TMCC1: variants seen among roughly 807,000 people sequenced by gnomAD.
TMCC1 encodes the protein transmembrane and coiled-coil domain family 1.
In TMCC1, 15 loss-of-function variants were observed where a neutral mutation model predicts 52.4. The ratio of observed to expected loss-of-function variants is 0.29; its 90% CI spans 0.19 to 0.44. The LOEUF (loss-of-function observed/expected upper bound fraction) is 0.44, where lower values mean the gene tolerates loss of function less well. Among genes scored for constraint, TMCC1 ranks in the 20% least tolerant of loss-of-function variants. The probability of loss-of-function intolerance (pLI) is 1.00; values close to 1 mark genes in which losing one functional copy is unlikely to be tolerated. For missense variants in TMCC1, 503 were observed against 806.0 expected (o/e 0.62, Z 4.55); for synonymous variants, 279 against 301.9 (o/e 0.92, Z 0.79).
chr3:129,856,105 T>C (rs2060136018), intron 2 of TMCC1, among the ~76,000 whole-genome samples: 2 of 152,238 alleles, frequency 1.3e-5, no homozygotes, highest in Non-Finnish European at 2.9e-5. Flanking sequence ...AGGGACTCTA[T>C]GCTATTTTTG....
chr3:129,688,573 G>A, intron 4 of TMCC1: 1 of 985,478 alleles, frequency 1.0e-6, no homozygotes, highest in Non-Finnish European at 1.2e-6. Flanking sequence ...GCCCACCTCA[G>A]CCTATGTATA....
chr3:129,703,423 C>A (rs1003132251), intron 4 of TMCC1, among the ~76,000 whole-genome samples: 1 of 152,182 alleles, frequency 6.6e-6, no homozygotes, highest in Non-Finnish European at 1.5e-5. Context: ...CATCATTAAG[C>A]TCAGACAACA....
At chr3:129,757,662 A>C (rs1426632782) in intron 4 of TMCC1, among the ~76,000 whole-genome samples, 6 of 152,068 alleles carry the variant, frequency 3.9e-5, no homozygotes, top group African/African-American at 1.4e-4. Flanking sequence ...CTCTACTAAA[A>C]ACAAACAAAC....
intron 4 of TMCC1, among the ~76,000 whole-genome samples, chr3:129,728,348 C>T (rs1004248549): frequency 3.9e-5 from 6 of 152,070 alleles, no homozygotes; most frequent in East Asian, 1.9e-4. Flanking sequence ...TGCAATGGTG[C>T]GATCTTGACT....
rs113183491 is a variant in TMCC1 at position 129,782,691 on chromosome 3, G to A, written c.576+45112C>T. Among the ~76,000 whole-genome samples, 550 of 152,290 alleles carry A rather than the reference G, an allele frequency of 3.6e-3. 2 individuals carry two copies. The highest frequency in any genetic ancestry group is 0.012 in the African/African-American group (493 of 41,562). ...GGAGTAGAAGGGGTTGGAGGAAAGA[G>A]AGAGGGGCATCTCCTGGGAATGTGT... On this transcript the variant is annotated intron_variant, in intron 4 of 6. Coordinates refer to ENST00000393238, the MANE Select transcript of TMCC1 (RefSeq NM_001017395.5).
chr3:129,683,686 T>C (rs372043533), intron 4 of TMCC1, among the ~76,000 whole-genome samples: 4 of 152,164 alleles, frequency 2.6e-5, no homozygotes, highest in African/African-American at 7.2e-5. Context: ...ATCACCTGAA[T>C]AGTGAACATT....
chr3:129,718,653 T>C (rs1331434549), intron 4 of TMCC1, among the ~76,000 whole-genome samples: 1 of 152,252 alleles, frequency 6.6e-6, no homozygotes, highest in Admixed American at 6.5e-5. Context: ...TGCCATTTCA[T>C]ACAGATGATT....
intron 2 of TMCC1, among the ~76,000 whole-genome samples, chr3:129,870,117 TTCTC>T (rs1178115522): frequency 6.6e-6 from 1 of 152,096 alleles, no homozygotes; most frequent in Non-Finnish European, 1.5e-5. Flanking sequence ...TCTTGAAAAA[TTCTC>T]TCAAATAATA....
At position 129,670,826 on chromosome 3, in the gene TMCC1, A is replaced by G; in HGVS notation, c.1015T>C (p.Phe339Leu). The G allele has an allele frequency of 6.2e-7, 1 of 1,614,124 alleles. No individual in the cohort carries two copies. The highest frequency in any genetic ancestry group is 8.5e-7 in the Non-Finnish European group (1 of 1,180,016). ...ACACTATCCACCACACCTTCACTGA[A>G]GCCAGTCACCTTTGCTCCTACATCC... ...LKDVGAKVTG[F>L]SEGVVDSVKG... The change falls in exon 5 of 7, where the codon TTC (phenylalanine) becomes CTC (leucine). Residue 339 changes from phenylalanine to leucine, a missense_variant. Transcript: ENST00000393238.
At chr3:129,806,966 G>T (rs1162581435) in intron 4 of TMCC1, among the ~76,000 whole-genome samples, 2 of 152,018 alleles carry the variant, frequency 1.3e-5, no homozygotes, top group Non-Finnish European at 2.9e-5. Context: ...CTAAGAAAAA[G>T]ATATATATAG....
chr3:129,714,526 G>C (rs1308043478), intron 4 of TMCC1, among the ~76,000 whole-genome samples: 1 of 152,062 alleles, frequency 6.6e-6, no homozygotes, highest in African/African-American at 2.4e-5. Context: ...CCAATATAAA[G>C]GTAGGCCCAT....
At chr3:129,835,000 C>T (rs148475547) in intron 2 of TMCC1, among the ~76,000 whole-genome samples, 12 of 152,274 alleles carry the variant, frequency 7.9e-5, no homozygotes, top group African/African-American at 2.6e-4. Flanking sequence ...TTGCATCCAG[C>T]CTTGGTAAGA....
At chr3:129,859,787 A>G (rs552873877) in intron 2 of TMCC1, among the ~76,000 whole-genome samples, 17 of 152,326 alleles carry the variant, frequency 1.1e-4, no homozygotes, top group Admixed American at 7.2e-4. Context: ...CCTAAAAAAT[A>G]AACATATCTA....
chr3:129,720,986 C>T (rs1053983368), intron 4 of TMCC1, among the ~76,000 whole-genome samples: 4 of 152,170 alleles, frequency 2.6e-5, no homozygotes, highest in African/African-American at 9.7e-5. Flanking sequence ...AGCCACTGTG[C>T]CTGGCTAAGC....
At chr3:129,755,885 T>C (rs2052954583) in intron 4 of TMCC1, among the ~76,000 whole-genome samples, 1 of 152,132 alleles carries the variant, frequency 6.6e-6, no homozygotes, top group Admixed American at 6.6e-5. Context: ...AGTGGATCCC[T>C]TGAGGTCAAG....
At chr3:129,733,083 C>A (rs77754828) in intron 4 of TMCC1, among the ~76,000 whole-genome samples, 124 of 152,288 alleles carry the variant, frequency 8.1e-4, no homozygotes, top group Non-Finnish European at 1.7e-3. Flanking sequence ...TTTTAAGATA[C>A]GTCTTTTGGA....
rs61519484 is a variant in TMCC1 at position 129,759,710 on chromosome 3, C to CTTTTTT, written c.576+68087_576+68092dup. Among the ~76,000 whole-genome samples the CTTTTTT allele has an allele frequency of 4.1e-3, 151 of 37,198 alleles. 6 individuals are homozygous for CTTTTTT. Among genetic ancestry groups the CTTTTTT allele is most frequent in the African/African-American group, 0.017 (149 of 9,012 alleles). 24.4% of individuals were successfully genotyped at this position (37,198 alleles called of 152,430 possible). On this transcript the variant is annotated intron_variant, in intron 4 of 6. Transcript: ENST00000393238. Reference sequence around the variant, plus strand: ...GCATGAGCCACTGCAGCCAGCCAAACTTTTTTTTTTTTTTTTTTTTTTTTT... The same window carrying CTTTTTT: ...GCATGAGCCACTGCAGCCAGCCAAACTTTTTTTTTTTTTTTTTTTTTTTTTTTTTTT...
intron 4 of TMCC1, among the ~76,000 whole-genome samples, chr3:129,822,074 CATATATTTAT>C (rs1275243468): frequency 6.6e-6 from 1 of 151,778 alleles, no homozygotes; most frequent in African/African-American, 2.4e-5. Context: ...AATATAAATA[CATATATTTAT>C]ATATATTTAT....
chr3:129,760,893 T>G (rs1281333430), intron 4 of TMCC1, among the ~76,000 whole-genome samples: 1 of 152,140 alleles, frequency 6.6e-6, no homozygotes, highest in African/African-American at 2.4e-5. Flanking sequence ...ATTACAGGTG[T>G]GAGCCACTGC....
Sources: gnomAD v4.1 joint callset for allele counts (sites outside exome capture counted in the v4.1 genomes callset) on GRCh38, gnomAD v4.1.1 for gene constraint, MANE v1.5 for transcripts, NCBI Gene and HGNC (gene_info 2026-07-23, HGNC 2026-07-21) for gene names.